The following GPR78 variants were observed in gnomAD, a reference collection of about 807,000 sequenced individuals.
GPR78 encodes the protein G protein-coupled receptor 78.
A neutral mutation model predicts 17.9 loss-of-function variants in GPR78; 29 were observed. The observed-to-expected ratio is 1.62, with a 90% CI of 1.20 to 2.21. The LOEUF (loss-of-function observed/expected upper bound fraction) is 2.21, where lower values mean the gene tolerates loss of function less well. GPR78 is among the 30% of genes most tolerant of loss of function. The pLI is 0.00. For missense variants in GPR78, 649 were observed against 530.5 expected, an observed-to-expected ratio of 1.22 and a Z score of -2.19; for synonymous variants, 349 against 256.9, an observed-to-expected ratio of 1.36 and a Z score of -3.43.
At position 8,581,442 on chromosome 4, in the gene GPR78, G is replaced by A. The variant is rs1303364723; in HGVS notation, c.460G>A (p.Ala154Thr). Residue 154 changes from alanine to threonine, a missense_variant, in exon 1 of 3, where the codon GCG becomes ACG. Transcript: ENST00000382487. ...CSWLGYSSAF[A>T]SCSLRLPPEP... ...GTGGCTTGGCTACAGCAGCGCCTTC[G>A]CGTCCTGTTCGCTGCGCCTGCCGCC... is the stretch of plus-strand genomic sequence containing the variant. 1.9e-6 allele frequency: 3 copies of A among 1,590,768 alleles called. No individual in the cohort carries two copies. The highest frequency in any genetic ancestry group is 1.3e-5 in the African/African-American group (1 of 74,746).
chr4:8,582,665 T>A, intron 2 of GPR78, 21 bp downstream of exon 2: 3 of 1,514,026 alleles, frequency 2.0e-6, no homozygotes, highest in Non-Finnish European at 1.8e-6. Context: ...GCAGTCCGGC[T>A]CCTGTTGTGG....
In GPR78 at chr4:8,580,758, G is replaced by A; in HGVS notation, c.-225G>A. 3.5e-6 allele frequency: 2 copies of A among 568,260 alleles called. No individual in the cohort carries two copies. Among genetic ancestry groups the A allele is most frequent in the East Asian group, 3.1e-5 (1 of 32,646 alleles). The allele number at this position is 568,260 out of a possible 1,614,324, so 35.2% of individuals were successfully genotyped here. On this transcript the variant is annotated 5_prime_UTR_variant, in exon 1 of 3. Coordinates refer to ENST00000382487, the MANE Select transcript of GPR78 (RefSeq NM_080819.5). Reference sequence around the variant, plus strand: ...CCGCGGTTGCGCTGCCTCCAGGGCGGCCCCGGGCTGCTCCTGCTCCGCAGA... The same window carrying A: ...CCGCGGTTGCGCTGCCTCCAGGGCGACCCCGGGCTGCTCCTGCTCCGCAGA...
chr4:8,582,475 C>T, intron 1 of GPR78, 56 bp from the exon 2 acceptor site: 1 of 1,223,388 alleles, frequency 8.2e-7, no homozygotes, highest in Admixed American at 1.7e-5. Context: ...GGGCTCTGGG[C>T]CTGGGTTCTG....
chr4:8,582,511 A>G lies in GPR78; in HGVS notation c.669-20A>G. The G allele has an allele frequency of 6.4e-7, 1 of 1,557,214 alleles. No individual in the cohort carries two copies. ...TCCCCACCCTGCCATCATCCTGACC[A>G]CTGTCCTCTGTCCCCACAGTGTGCG... On this transcript the variant is annotated intron_variant, in intron 1 of 2. Transcript: ENST00000382487.
rs1382936409 is a variant in GPR78 at position 8,582,554 on chromosome 4, A to C, written c.692A>C (p.Gln231Pro). The change falls in exon 2 of 3, where the codon CAG becomes CCG. Residue 231 changes from glutamine to proline, a missense_variant. Physicochemically the swap from Gln to Pro is moderately conservative, Grantham distance 76 (BLOSUM62 -1). Coordinates refer to ENST00000382487, the MANE Select transcript of GPR78 (RefSeq NM_080819.5). ...HPSVRQRCLIQQKRRRHRATR... is the reference protein window; with the variant it reads ...HPSVRQRCLIPQKRRRHRATR... ...AGTGTGCGGCAGCGCTGCCTCATCC[A>C]GCAGAAGCGGCGCCGCCACCGCGCC... 1 of 1,609,968 alleles carries C rather than the reference A, an allele frequency of 6.2e-7. No homozygotes were observed. Among genetic ancestry groups the C allele is most frequent in the African/African-American group, 1.3e-5 (1 of 74,874 alleles).
At position 8,587,194 on chromosome 4, in the gene GPR78, T is replaced by A; in HGVS notation, c.923T>A (p.Met308Lys). 6.2e-7 allele frequency: 1 copy of A among 1,612,758 alleles called. No individual in the cohort carries two copies. Among genetic ancestry groups the A allele is most frequent in the Non-Finnish European group, 8.5e-7 (1 of 1,179,426 alleles). ...RRPFRQVLAG[M>K]VHRLLKRTPR... ...CCGTTCCGCCAAGTCCTGGCCGGCATGGTGCACCGGCTGCTGAAGAGAACC... is the reference window on the plus strand; with the variant it reads ...CCGTTCCGCCAAGTCCTGGCCGGCAAGGTGCACCGGCTGCTGAAGAGAACC... The change falls in exon 3 of 3, where the codon ATG becomes AAG. Residue 308 changes from methionine (M) to lysine (K), a missense_variant. Coordinates refer to ENST00000382487, the MANE Select transcript of GPR78 (RefSeq NM_080819.5).
rs201815998 is a variant in GPR78 at position 8,587,262 on chromosome 4, G to A, written c.991G>A (p.Gly331Ser). 228 of 1,598,000 alleles carry A rather than the reference G, an allele frequency of 1.4e-4. No individual in the cohort carries two copies. The highest frequency in any genetic ancestry group is 1.2e-3 in the Middle Eastern group (7 of 6,038). ...CCATGACAGCTCTCTGGATGTGGCC[G>A]GCATGGTGCACCAGCTGCTGAAGAG... ...STHDSSLDVAGMVHQLLKRTP... is the reference protein window; with the variant it reads ...STHDSSLDVASMVHQLLKRTP... The change falls in exon 3 of 3, where the codon GGC (glycine) becomes AGC (serine). Residue 331 changes from glycine to serine, a missense_variant. Physicochemically the swap from Gly to Ser is moderately conservative, Grantham distance 56. Coordinates refer to ENST00000382487, the MANE Select transcript of GPR78 (RefSeq NM_080819.5).
In GPR78 at chr4:8,588,389, C is replaced by A. The variant is rs2109303164; in HGVS notation, c.*1026C>A. On this transcript the variant is annotated 3_prime_UTR_variant, in exon 3 of 3. Coordinates refer to ENST00000382487, the MANE Select transcript of GPR78 (RefSeq NM_080819.5). ...CGGTGGGAGCACCCACCATCAATGT[C>A]ATTGAATGTCCCCATGGGACAGTGT... Among the ~76,000 whole-genome samples the A allele has an allele frequency of 6.6e-6, 1 of 152,364 alleles. No individual in the cohort carries two copies. Among genetic ancestry groups the A allele is most frequent in the East Asian group, 1.9e-4 (1 of 5,192 alleles).
At position 8,589,811 on chromosome 4, in the gene GPR78, G is replaced by C. The variant is rs1250744045; in HGVS notation, c.*2448G>C. Among the ~76,000 whole-genome samples the C allele has an allele frequency of 6.6e-6, 1 of 152,094 alleles. No individual in the cohort carries two copies. Among genetic ancestry groups the C allele is most frequent in the Non-Finnish European group, 1.5e-5 (1 of 68,024 alleles). On this transcript the variant is annotated 3_prime_UTR_variant, in exon 3 of 3. Coordinates refer to ENST00000382487, the MANE Select transcript of GPR78 (RefSeq NM_080819.5). ...TTTCGCCTTCCTCGGCAGCTCCATGGAATGTTCTGGAGCAGGCATCTTAGG... is the reference window on the plus strand; with the variant it reads ...TTTCGCCTTCCTCGGCAGCTCCATGCAATGTTCTGGAGCAGGCATCTTAGG...
chr4:8,584,947 G>T (rs1348560903), intron 2 of GPR78, among the ~76,000 whole-genome samples: 1 of 152,258 alleles, frequency 6.6e-6, no homozygotes, highest in Admixed American at 6.5e-5. Flanking sequence ...TGGACATCTA[G>T]AAGGTGAATT....
intron 2 of GPR78, 156 bp downstream of exon 2, chr4:8,582,800 CTCCTGGGAAAGA>C: frequency 4.9e-6 from 3 of 608,262 alleles, no homozygotes; most frequent in Non-Finnish European, 8.9e-6. Flanking sequence ...TGTGCTTCAG[CTCCTGGGAAAGA>C]TCCTGGGAGG....
At chr4:8,583,789 TC>T (rs1382345921) in intron 2 of GPR78, among the ~76,000 whole-genome samples, 2 of 152,150 alleles carry the variant, frequency 1.3e-5, no homozygotes, top group Non-Finnish European at 2.9e-5. Flanking sequence ...CCTGCCAGGT[TC>T]CCTCTGAGCT....
chr4:8,585,579 G>A (rs1407368159), intron 2 of GPR78, among the ~76,000 whole-genome samples: 1 of 152,152 alleles, frequency 6.6e-6, no homozygotes, highest in Non-Finnish European at 1.5e-5. Flanking sequence ...GCTGGCCGGT[G>A]GCAAAGCCCT....
Position 8,580,933 on chromosome 4 carries a change from C to A in GPR78, c.-50C>A. 1 of 1,443,494 alleles carries A rather than the reference C, an allele frequency of 6.9e-7. No individual in the cohort carries two copies. Among genetic ancestry groups the A allele is most frequent in the Non-Finnish European group, 9.1e-7 (1 of 1,095,710 alleles). 89.4% of individuals were successfully genotyped at this position (1,443,494 alleles called of 1,614,324 possible). On this transcript the variant is annotated 5_prime_UTR_variant, in exon 1 of 3. Transcript: ENST00000382487. ...TCGCCTCACTTTCCCAGGCTCGCGC[C>A]CGAAGCAGAGCCATGAGAACCCCAG...
Position 8,589,447 on chromosome 4 carries a change from G to T in GPR78, c.*2084G>T, listed in dbSNP as rs1713657195. On this transcript the variant is annotated 3_prime_UTR_variant, in exon 3 of 3. Transcript: ENST00000382487. ...GGTGTCATGCCCTGGTTCACAGAGG[G>T]CACGTGAACTCGAGACCGTGCTGCA... Among the ~76,000 whole-genome samples the T allele has an allele frequency of 6.6e-6, 1 of 152,070 alleles. No individual in the cohort carries two copies. The highest frequency in any genetic ancestry group is 2.1e-4 in the South Asian group (1 of 4,826).
intron 2 of GPR78, 120 bp downstream of exon 2, chr4:8,582,764 TC>T: frequency 1.4e-6 from 1 of 715,082 alleles, no homozygotes; most frequent in Non-Finnish European, 2.5e-6. Flanking sequence ...CAGAGGACCC[TC>T]CTCCACACCT....
chr4:8,587,332 A>T lies in GPR78; in HGVS notation c.1061A>T (p.Glu354Val), dbSNP rs1395105464. Residue 354 changes from glutamate to valine, a missense_variant, in exon 3 of 3, where the codon GAG (glutamate) becomes GTG (valine). Coordinates refer to ENST00000382487, the MANE Select transcript of GPR78 (RefSeq NM_080819.5). ...ASTHNGSVDTENDSCLQQTH is the reference protein window; with the variant it reads ...ASTHNGSVDTVNDSCLQQTH ...ACCCACAACGGCTCTGTGGACACAG[A>T]GAATGATTCCTGCCTGCAGCAGACA... The T allele has an allele frequency of 6.2e-7, 1 of 1,613,000 alleles. No individual in the cohort carries two copies.
intron 2 of GPR78, among the ~76,000 whole-genome samples, chr4:8,585,196 A>G (rs973217165): frequency 2.0e-5 from 3 of 152,182 alleles, no homozygotes; most frequent in African/African-American, 7.2e-5. Flanking sequence ...GGGAGGGCAG[A>G]TGGCTACGGT....
chr4:8,581,993 C>G (rs1204800997), intron 1 of GPR78, among the ~76,000 whole-genome samples: 1 of 152,164 alleles, frequency 6.6e-6, no homozygotes, highest in Non-Finnish European at 1.5e-5. Context: ...TGTTTCTGCC[C>G]ACTGCTGACC....
Sources: allele counts gnomAD v4.1 joint callset (sites outside exome capture counted in the v4.1 genomes callset), GRCh38; gene constraint gnomAD v4.1.1; transcripts MANE v1.5; gene names NCBI Gene and HGNC (gene_info 2026-07-23, HGNC 2026-07-21).